EPG5: variants seen among roughly 807,000 people sequenced by gnomAD.
The protein encoded by EPG5 is ectopic P granules protein 5 homolog.
EPG5 carries 159 observed loss-of-function variants against 302.7 expected under a neutral mutation model. That is an observed-to-expected ratio of 0.53 (90% CI 0.46 to 0.60). EPG5 has a LOEUF of 0.60. Among genes scored for constraint, EPG5 ranks in the 20% least tolerant of loss-of-function variants. The pLI, the probability that EPG5 is intolerant of heterozygous loss-of-function variation, is 0.00. For synonymous variants in EPG5, 1,158 were observed against 1,136.8 expected, an observed-to-expected ratio of 1.02 and a Z score of -0.37; for missense variants, 2,896 against 3,092.4, an observed-to-expected ratio of 0.94 and a Z score of 1.51.
At position 45,927,604 on chromosome 18, in the gene EPG5, A is replaced by G. The variant is rs933264920; in HGVS notation, c.2553+1265T>C. Among the ~76,000 whole-genome samples the G allele has an allele frequency of 6.6e-3, 994 of 150,198 alleles. 8 individuals are homozygous for G. The highest frequency in any genetic ancestry group is 0.022 in the African/African-American group (870 of 40,408). ...TAAACAAAAAGTTATACACACACACACACACACACACACACACACACACAC... is the reference window on the plus strand; with the variant it reads ...TAAACAAAAAGTTATACACACACACGCACACACACACACACACACACACAC... On this transcript the variant is annotated intron_variant, in intron 13 of 43. Coordinates refer to ENST00000282041, the MANE Select transcript of EPG5 (RefSeq NM_020964.3).
chr18:45,939,528 T>A, intron 10 of EPG5, 72 bp downstream of exon 10: 1 of 1,407,806 alleles, frequency 7.1e-7, no homozygotes, highest in East Asian at 2.3e-5. Flanking sequence ...CCTACTTAAG[T>A]GGCTTTCACC....
chr18:45,928,914 G>A lies in EPG5; in HGVS notation c.2508C>T (p.Ser836=), dbSNP rs750004476. The A allele has an allele frequency of 9.9e-6, 16 of 1,613,800 alleles. No homozygotes were observed. Among genetic ancestry groups the A allele is most frequent in the East Asian group, 2.2e-5 (1 of 44,884 alleles). Residue 836 remains serine, a synonymous_variant, in exon 13 of 44, where the codon TCC becomes TCT. Coordinates refer to ENST00000282041, the MANE Select transcript of EPG5 (RefSeq NM_020964.3). ...TITAVHPEII[S]VLLDRVQETI... ...TCTCTTGAACTCTATCCAGAAGGAC[G>A]GAAATTATCTCAGGGTGAACAGCTG...
intron 43 of EPG5, among the ~76,000 whole-genome samples, chr18:45,854,279 C>T (rs1262580579): frequency 1.3e-5 from 2 of 152,232 alleles, no homozygotes; most frequent in African/African-American, 2.4e-5. Context: ...CTGTGGAGAA[C>T]CTGCTAATCT....
At chr18:45,915,721 T>G in intron 19 of EPG5, 100 bp from the exon 20 acceptor site, 2 of 897,658 alleles carry the variant, frequency 2.2e-6, no homozygotes, top group Non-Finnish European at 3.5e-6. Flanking sequence ...CAATACAAGA[T>G]TCTGATAAGA....
At chr18:45,896,647 T>C (rs1347304459) in intron 27 of EPG5, among the ~76,000 whole-genome samples, 4 of 147,800 alleles carry the variant, frequency 2.7e-5, no homozygotes, top group Admixed American at 1.3e-4. Context: ...TGCGGTTAAG[T>C]GATCCTCCTG....
At chr18:45,940,196 G>A (rs2050631688) in intron 9 of EPG5, among the ~76,000 whole-genome samples, 1 of 152,218 alleles carries the variant, frequency 6.6e-6, no homozygotes, top group Admixed American at 6.5e-5. Flanking sequence ...AACAGCCAAT[G>A]CAAAAGCGCC....
chr18:45,830,880 G>A, the EPG5 span, among the ~76,000 whole-genome samples: 1 of 151,866 alleles, frequency 6.6e-6, no homozygotes, highest in African/African-American at 2.4e-5. Flanking sequence ...TTACAGGCGT[G>A]AGCCACCGCG....
the EPG5 span, among the ~76,000 whole-genome samples, chr18:45,803,155 T>C: frequency 6.6e-6 from 1 of 152,170 alleles, no homozygotes; most frequent in East Asian, 1.9e-4. Flanking sequence ...AAACCTATCA[T>C]TTGAGACATT....
In EPG5 at chr18:45,865,732, T is replaced by C; in HGVS notation, c.6649A>G (p.Thr2217Ala). 1 of 1,592,810 alleles carries C rather than the reference T, an allele frequency of 6.3e-7. No individual in the cohort carries two copies. Among genetic ancestry groups the C allele is most frequent in the Non-Finnish European group, 8.5e-7 (1 of 1,172,800 alleles). The change falls in exon 39 of 44, where the codon ACT becomes GCT. Residue 2217 changes from threonine to alanine, a missense_variant. This residue lies in a region of EPG5 where 620 missense variants were observed against 704.2 expected (regional missense o/e 0.88). Transcript: ENST00000282041. Reference sequence around the variant, plus strand: ...CTGAGGAATTGAACCATCTGATGAGTAAAAGCTTGGCATTTTGGAACTGCA... The same window carrying C: ...CTGAGGAATTGAACCATCTGATGAGCAAAAGCTTGGCATTTTGGAACTGCA... ...LDAVPKCQAF[T>A]HQMVQFLSTL...
chr18:45,967,098 T>G lies in EPG5; in HGVS notation c.63+79A>C, dbSNP rs565685403. The G allele has an allele frequency of 2.2e-5, 31 of 1,418,274 alleles. No homozygotes were observed. In the East Asian group the frequency reaches 7.5e-4, roughly 34 times the overall value. The allele number at this position is 1,418,274 out of a possible 1,614,324, so 87.9% of individuals were successfully genotyped here. ...GAGGGCTCAGGGAACGGGAGTAGAA[T>G]TGGCTGGGGAGGCCGAAGAGAGGAG... On this transcript the variant is annotated intron_variant, in intron 1 of 43. Coordinates refer to ENST00000282041, the MANE Select transcript of EPG5 (RefSeq NM_020964.3).
In EPG5 at chr18:45,910,631, A is replaced by G; in HGVS notation, c.4095T>C (p.Ala1365=). ...CTGGAACACGGAGGGCCTTGCTTGC[A>G]GCATGGTGGAAGTCAGCCACCTCGG... ...RLTEVADFHH[A]ASKALRVPAE... Residue 1365 remains alanine (A), a synonymous_variant, in exon 23 of 44, where the codon GCT becomes GCC. Transcript: ENST00000282041. 1.9e-6 allele frequency: 3 copies of G among 1,614,190 alleles called. No homozygotes were observed. The highest frequency in any genetic ancestry group is 2.5e-6 in the Non-Finnish European group (3 of 1,180,030).
Position 45,929,041 on chromosome 18 carries a change from C to T in EPG5, c.2413-32G>A, listed in dbSNP as rs746104609. The T allele has an allele frequency of 1.4e-5, 23 of 1,592,860 alleles. No homozygotes were observed. In the Middle Eastern group the frequency reaches 5.0e-4, roughly 35 times the overall value. On this transcript the variant is annotated intron_variant, in intron 12 of 43. Coordinates refer to ENST00000282041, the MANE Select transcript of EPG5 (RefSeq NM_020964.3). ...GGGGGGAAGGGGGAAGAAGATGGCA[C>T]TTTTAATATCAATTAGCAGTCAAAA...
intron 38 of EPG5, 150 bp downstream of exon 38, chr18:45,866,648 T>C (rs2048753981): frequency 1.5e-6 from 1 of 666,616 alleles, no homozygotes; most frequent in Non-Finnish European, 2.7e-6. Context: ...ACCCAAAAGA[T>C]CTACAAGGCC....
chr18:45,927,590 T>TTATA (rs1231714347), intron 13 of EPG5, among the ~76,000 whole-genome samples: 6 of 38,656 alleles, frequency 1.6e-4, no homozygotes, highest in African/African-American at 1.9e-4. Context: ...AAACAAAAAG[T>TTATA]TATACACACA....
At chr18:45,946,831 T>C in intron 6 of EPG5, 63 bp from the exon 7 acceptor site, 1 of 1,288,772 alleles carries the variant, frequency 7.8e-7, no homozygotes, top group Non-Finnish European at 1.1e-6. Flanking sequence ...CATTGTGGAT[T>C]CTCTACTCAC....
At chr18:45,957,243 G>A (rs951640660) in intron 1 of EPG5, among the ~76,000 whole-genome samples, 1 of 152,104 alleles carries the variant, frequency 6.6e-6, no homozygotes, top group African/African-American at 2.4e-5. Flanking sequence ...TTGTTGAAAT[G>A]AACCTGACTG....
chr18:45,822,460 T>A, the EPG5 span, among the ~76,000 whole-genome samples: 2 of 152,076 alleles, frequency 1.3e-5, no homozygotes, highest in Non-Finnish European at 1.5e-5. Context: ...ATAGAAGGAA[T>A]AAATTCTAGT....
chr18:45,934,810 T>G lies in EPG5; in HGVS notation c.2256A>C (p.Gln752His). Residue 752 changes from glutamine to histidine, a missense_variant and splice_region_variant, in exon 11 of 44, where the codon CAA (glutamine) becomes CAC (histidine). Transcript: ENST00000282041. ...GCCGACTGCTCGGCGGGGCTGTACC[T>G]TGGAGCTGCTGCTTGCACTGGGCGG... Reference protein sequence around the residue: ...LQPAQCKQQLQDPEHFTNFEK... With the variant: ...LQPAQCKQQLHDPEHFTNFEK... The G allele has an allele frequency of 6.2e-7, 1 of 1,611,864 alleles. No homozygotes were observed. The highest frequency in any genetic ancestry group is 8.5e-7 in the Non-Finnish European group (1 of 1,179,216).
chr18:45,823,540 G>T, the EPG5 span, among the ~76,000 whole-genome samples: 2 of 152,144 alleles, frequency 1.3e-5, no homozygotes, highest in African/African-American at 4.8e-5. Context: ...TGCAAGAATG[G>T]AGTCATACTC....
Sources: allele counts gnomAD v4.1 joint callset (sites outside exome capture counted in the v4.1 genomes callset), GRCh38; gene constraint gnomAD v4.1.1; regional missense constraint gnomAD v4.1.1; transcripts MANE v1.5; gene names NCBI Gene and HGNC (gene_info 2026-07-23, HGNC 2026-07-21).